Variants in MTPAP observed in about 807,000 individuals in gnomAD.
MTPAP encodes the protein poly(A) RNA polymerase, mitochondrial.
MTPAP carries 23 observed loss-of-function variants against 48.7 expected under a neutral mutation model. The observed-to-expected ratio is 0.47, with a 90% CI of 0.34 to 0.67. MTPAP has a LOEUF of 0.67. Among genes scored for constraint, MTPAP ranks in the 30% least tolerant of loss-of-function variants. The pLI is 0.01. For synonymous variants in MTPAP, 257 were observed against 254.1 expected (o/e 1.01, Z -0.11); for missense variants, 614 against 694.3 (o/e 0.88, Z 1.30).
Position 30,311,547 on chromosome 10 carries a change from C to T in MTPAP, c.*2062G>A, listed in dbSNP as rs985608189. 6.6e-6 allele frequency: 1 copy of T among 152,288 alleles called. No individual in the cohort carries two copies. Among genetic ancestry groups the T allele is most frequent in the South Asian group, 2.1e-4 (1 of 4,828 alleles). 9.4% of individuals were successfully genotyped at this position (152,288 alleles called of 1,614,324 possible). A position where few individuals can be genotyped will look rare whatever the true frequency, so the allele number is the denominator to read the frequency against. ...TGACCTAGCATTTTCCTACATCCCT[C>T]GCTTAATCCTCACATTGATCTGATC... On this transcript the variant is annotated 3_prime_UTR_variant, in exon 9 of 9. Transcript: ENST00000263063.
intron 1 of MTPAP, among the ~76,000 whole-genome samples, chr10:30,344,608 C>T (rs912497240): frequency 7.2e-5 from 11 of 152,328 alleles, no homozygotes; most frequent in South Asian, 6.2e-4. Context: ...ACCACCTTTT[C>T]AGTTGTGAAT....
intron 6 of MTPAP, among the ~76,000 whole-genome samples, chr10:30,321,191 C>A (rs1480332109): frequency 6.6e-6 from 1 of 152,238 alleles, no homozygotes; most frequent in Non-Finnish European, 1.5e-5. Flanking sequence ...GACCACCACT[C>A]TACCCCACTG....
At chr10:30,315,502 C>CAAAAAAA (rs72362075) in intron 8 of MTPAP, among the ~76,000 whole-genome samples, 2 of 127,198 alleles carry the variant, frequency 1.6e-5, no homozygotes, top group Non-Finnish European at 3.4e-5. Flanking sequence ...TTCATTTGCT[C>CAAAAAAA]AAAAAAAAAA....
intron 3 of MTPAP, 35 bp downstream of exon 3, chr10:30,340,191 T>C (rs1320769989): frequency 1.3e-6 from 2 of 1,492,550 alleles, no homozygotes; most frequent in Non-Finnish European, 9.3e-7. Context: ...AAAAAATACA[T>C]AGTTCTAAAA....
chr10:30,318,802 G>C (rs1054515203), intron 6 of MTPAP, among the ~76,000 whole-genome samples: 5 of 152,072 alleles, frequency 3.3e-5, no homozygotes, highest in African/African-American at 1.2e-4. Context: ...ATACTATTCC[G>C]AGAACAGAAG....
chr10:30,327,627 C>T (rs950388528), intron 4 of MTPAP, among the ~76,000 whole-genome samples: 3 of 152,006 alleles, frequency 2.0e-5, no homozygotes, highest in Non-Finnish European at 4.4e-5. Flanking sequence ...AGGCAGATAA[C>T]TTGAGGTCAG....
chr10:30,349,027 C>T, intron 1 of MTPAP, 92 bp downstream of exon 1: 1 of 1,583,796 alleles, frequency 6.3e-7, no homozygotes, highest in Non-Finnish European at 8.7e-7. Flanking sequence ...CCAAAGGGTC[C>T]ACAGCCGTTT....
intron 8 of MTPAP, among the ~76,000 whole-genome samples, chr10:30,315,511 A>AC (rs1235824372): frequency 6.8e-6 from 1 of 146,360 alleles, no homozygotes; most frequent in Non-Finnish European, 1.5e-5. Flanking sequence ...TCAAAAAAAA[A>AC]AAACAAAACA....
intron 1 of MTPAP, among the ~76,000 whole-genome samples, 170 bp from the exon 2 acceptor site, chr10:30,341,810 C>G (rs1316984614): frequency 6.6e-6 from 1 of 152,166 alleles, no homozygotes; most frequent in Non-Finnish European, 1.5e-5. Flanking sequence ...CCCCATTACC[C>G]ACAGGGGTTA....
Position 30,313,628 on chromosome 10 carries a change from G to T in MTPAP, c.1730C>A (p.Thr577Lys). ...CAGCCATCATGTCTGAGTACTAATT[G>T]TTCTCTTCCCACTGGTTTTTGTGAA... is the stretch of plus-strand genomic sequence containing the variant. ...ENFTKTSGKR[T>K]ISTQT is the part of the protein sequence containing the mutation. Residue 577 changes from threonine (T) to lysine (K), a missense_variant, in exon 9 of 9, where the codon ACA becomes AAA. Coordinates refer to ENST00000263063, the MANE Select transcript of MTPAP (RefSeq NM_018109.4). 6.2e-7 allele frequency: 1 copy of T among 1,614,132 alleles called. No homozygotes were observed. The highest frequency in any genetic ancestry group is 1.1e-5 in the South Asian group (1 of 91,082).
intron 1 of MTPAP, among the ~76,000 whole-genome samples, chr10:30,347,413 T>C (rs1012794888): frequency 1.3e-5 from 2 of 152,226 alleles, no homozygotes; most frequent in Non-Finnish European, 2.9e-5. Flanking sequence ...TCTAGGTGAG[T>C]ATAAGGTGTA....
chr10:30,315,968 G>A lies in MTPAP; in HGVS notation c.1381C>T (p.Arg461Ter). The A allele has an allele frequency of 4.4e-6, 7 of 1,592,334 alleles. No homozygotes were observed. Among genetic ancestry groups the A allele is most frequent in the African/African-American group, 2.7e-5 (2 of 74,610 alleles). ...FAFDKNSINI[R>*]QGREQNKPDS... The stretch of plus-strand genomic sequence containing the variant: ...AATAGTAAAACATTATTTACCTGTC[G>A]AATATTTATGGAATTTTTATCGAAA... The change falls in exon 8 of 9, where the codon CGA becomes TGA. Residue 461 changes from arginine to a stop codon, truncating the protein, a stop_gained. Coordinates refer to ENST00000263063, the MANE Select transcript of MTPAP (RefSeq NM_018109.4). LOFTEE classifies it low-confidence loss of function (END_TRUNC).
chr10:30,336,244 C>T (rs1454717097), intron 4 of MTPAP, among the ~76,000 whole-genome samples: 1 of 151,838 alleles, frequency 6.6e-6, no homozygotes, highest in Non-Finnish European at 1.5e-5. Flanking sequence ...GAGACAACTA[C>T]CAAGCGGCCA....
rs373280765 is a variant in MTPAP, at chr10:30,313,981, A to G, written c.1387-10T>C. 4.3e-6 allele frequency: 7 copies of G among 1,611,904 alleles called. No individual in the cohort carries two copies. In the African/African-American group the frequency reaches 5.3e-5, roughly 12 times the overall value. On this transcript the variant is annotated splice_polypyrimidine_tract_variant and intron_variant, in intron 8 of 8. Transcript: ENST00000263063. ...TGTTTTGCTCCCTTCCCTATAGATTATTACACAGAAGAAAAAATGAGTAAG... is the reference window on the plus strand; with the variant it reads ...TGTTTTGCTCCCTTCCCTATAGATTGTTACACAGAAGAAAAAATGAGTAAG...
intron 1 of MTPAP, 137 bp downstream of exon 1, chr10:30,348,977 CAGAGG>C (rs1341798828): frequency 3.2e-6 from 4 of 1,254,500 alleles, no homozygotes; most frequent in South Asian, 1.3e-5. Flanking sequence ...CTACAGAGAT[CAGAGG>C]AGAGGAGAGG....
At chr10:30,343,959 T>TA (rs1834841052) in intron 1 of MTPAP, among the ~76,000 whole-genome samples, 1 of 152,326 alleles carries the variant, frequency 6.6e-6, no homozygotes, top group South Asian at 2.1e-4. Context: ...TGTATCACAA[T>TA]AATCTGACTC....
intron 5 of MTPAP, among the ~76,000 whole-genome samples, chr10:30,323,613 C>A (rs923001429): frequency 2.0e-5 from 3 of 152,038 alleles, no homozygotes; most frequent in African/African-American, 7.2e-5. Context: ...GGGTTCACGC[C>A]ATTCTCCTGC....
chr10:30,335,796 G>A (rs1308726579), intron 4 of MTPAP, among the ~76,000 whole-genome samples: 2 of 152,070 alleles, frequency 1.3e-5, no homozygotes, highest in Non-Finnish European at 2.9e-5. Context: ...GATCACCTGA[G>A]GTCAGGAGTT....
chr10:30,324,161 G>A (rs192253683), intron 5 of MTPAP, among the ~76,000 whole-genome samples: 4 of 152,164 alleles, frequency 2.6e-5, no homozygotes, highest in Admixed American at 1.3e-4. Context: ...CAGTCTTGGC[G>A]ACAGAGTAAG....
Sources: allele counts gnomAD v4.1 joint callset (sites outside exome capture counted in the v4.1 genomes callset), GRCh38; gene constraint gnomAD v4.1.1; transcripts MANE v1.5; gene names NCBI Gene and HGNC (gene_info 2026-07-23, HGNC 2026-07-21).